TCERG1L: variants seen among roughly 807,000 people sequenced by gnomAD.
The protein encoded by TCERG1L is transcription elongation regulator 1 like.
TCERG1L carries 37 observed loss-of-function variants against 56.3 expected under a neutral mutation model. That is an observed-to-expected ratio of 0.66 (90% CI 0.51 to 0.87). TCERG1L has a LOEUF of 0.87. Ranked by LOEUF, TCERG1L falls within the 40% of genes least tolerant of loss-of-function variation. TCERG1L has a pLI of 0.00. For synonymous variants in TCERG1L, 324 were observed against 326.3 expected, an observed-to-expected ratio of 0.99 and a Z score of 0.08; for missense variants, 799 against 774.2, an observed-to-expected ratio of 1.03 and a Z score of -0.38.
Position 131,228,232 on chromosome 10 carries a change from C to A in TCERG1L, c.856+32027G>T, listed in dbSNP as rs1287875613. On this transcript the variant is annotated intron_variant, in intron 4 of 11. Coordinates refer to ENST00000368642, the MANE Select transcript of TCERG1L (RefSeq NM_174937.4). ...CAGACAGGCATTTCCTCAAGGCCTC[C>A]GGAGTCTCCCCTCCAGACAGGCATT... 3.9e-5 allele frequency among the ~76,000 whole-genome samples: 5 copies of A among 127,374 alleles called. No homozygotes were observed. The East Asian group carries it at 7.7e-4, about 20-fold the overall frequency. 83.6% of individuals were successfully genotyped at this position (127,374 alleles called of 152,430 possible).
chr10:131,304,199 G>C (rs1846796602), intron 3 of TCERG1L, among the ~76,000 whole-genome samples: 1 of 152,052 alleles, frequency 6.6e-6, no homozygotes. Flanking sequence ...CTAGTTTCTA[G>C]CAAGATCCTT....
intron 7 of TCERG1L, 69 bp downstream of exon 7, chr10:131,146,437 T>C: frequency 7.1e-7 from 1 of 1,409,760 alleles, no homozygotes; most frequent in South Asian, 1.8e-5. Flanking sequence ...ATGCTTTCAC[T>C]TTACGTTCAT....
At chr10:131,203,085 C>T (rs1440121553) in intron 4 of TCERG1L, among the ~76,000 whole-genome samples, 2 of 152,186 alleles carry the variant, frequency 1.3e-5, no homozygotes, top group Non-Finnish European at 2.9e-5. Flanking sequence ...AGGAATTCCA[C>T]TTACAAATTC....
At chr10:131,189,321 C>T (rs1006892883) in intron 4 of TCERG1L, among the ~76,000 whole-genome samples, 6 of 152,160 alleles carry the variant, frequency 3.9e-5, no homozygotes, top group African/African-American at 1.2e-4. Flanking sequence ...TTCCAATTAT[C>T]CATCCCTCCC....
At position 131,298,195 on chromosome 10, in the gene TCERG1L, A is replaced by G. The variant is rs575029928; in HGVS notation, c.670+10016T>C. On this transcript the variant is annotated intron_variant, in intron 3 of 11. Transcript: ENST00000368642. ...TTTTAATGCTATAAATGTCCATCTA[A>G]GCTATGTCCCACAAGACTTTTTTTG... Among the ~76,000 whole-genome samples, 3 of 150,546 alleles carry G rather than the reference A, an allele frequency of 2.0e-5. No homozygotes were observed. The South Asian group carries it at 6.3e-4, about 32-fold the overall frequency.
intron 4 of TCERG1L, among the ~76,000 whole-genome samples, chr10:131,206,102 C>A (rs1025400451): frequency 6.6e-6 from 1 of 152,188 alleles, no homozygotes; most frequent in Non-Finnish European, 1.5e-5. Context: ...GATTCCCAGG[C>A]GGGAGAACTG....
chr10:131,110,514 G>GGGT (rs1845399870), intron 9 of TCERG1L, among the ~76,000 whole-genome samples: 1 of 152,218 alleles, frequency 6.6e-6, no homozygotes, highest in South Asian at 2.1e-4. Context: ...AGCTTGAGCA[G>GGGT]ACTCTCAGCA....
At chr10:131,159,368 C>T (rs879365389) in intron 6 of TCERG1L, among the ~76,000 whole-genome samples, 1 of 152,158 alleles carries the variant, frequency 6.6e-6, no homozygotes, top group Non-Finnish European at 1.5e-5. Context: ...GGCCCCTCCC[C>T]AATGCCTCCT....
intron 3 of TCERG1L, among the ~76,000 whole-genome samples, chr10:131,282,551 G>C (rs1283454856): frequency 6.6e-6 from 1 of 152,126 alleles, no homozygotes; most frequent in Non-Finnish European, 1.5e-5. Context: ...ACTAATACAA[G>C]TTAATATACT....
chr10:131,285,997 C>T (rs1318599970), intron 3 of TCERG1L, among the ~76,000 whole-genome samples: 1 of 152,216 alleles, frequency 6.6e-6, no homozygotes, highest in African/African-American at 2.4e-5. Context: ...ATCACTACCA[C>T]ATCACACACT....
intron 1 of TCERG1L, among the ~76,000 whole-genome samples, chr10:131,309,623 G>A (rs952708225): frequency 1.3e-5 from 2 of 152,170 alleles, no homozygotes; most frequent in Non-Finnish European, 1.5e-5. Context: ...ATGAAGAAGA[G>A]AAATGCTGGG....
At position 131,260,092 on chromosome 10, in the gene TCERG1L, G is replaced by A. The variant is rs1263103125; in HGVS notation, c.856+167C>T. On this transcript the variant is annotated intron_variant, in intron 4 of 11. Transcript: ENST00000368642. The surrounding 1 kb of genome is among the most constrained non-coding windows in gnomAD (Gnocchi z 5.8). Reference sequence around the variant, plus strand: ...CAGTGGAGTCGGGTCGATTTGCAGGGTCCGAAGTCAAGCAAAGCCCAAACG... The same window carrying A: ...CAGTGGAGTCGGGTCGATTTGCAGGATCCGAAGTCAAGCAAAGCCCAAACG... 6.6e-6 allele frequency among the ~76,000 whole-genome samples: 1 copy of A among 152,244 alleles called. No homozygotes were observed. Among genetic ancestry groups the A allele is most frequent in the African/African-American group, 2.4e-5 (1 of 41,464 alleles).
At chr10:131,259,107 T>C (rs12258837) in intron 4 of TCERG1L, among the ~76,000 whole-genome samples, 1 of 152,196 alleles carries the variant, frequency 6.6e-6, no homozygotes, top group Admixed American at 6.5e-5. Flanking sequence ...AACTAATTCA[T>C]CAAACCAGCA....
intron 9 of TCERG1L, among the ~76,000 whole-genome samples, chr10:131,116,527 G>C (rs1208070867): frequency 6.6e-6 from 1 of 152,134 alleles, no homozygotes; most frequent in Admixed American, 6.5e-5. Flanking sequence ...TCTCCACTTT[G>C]GCTGCCCCTC....
chr10:131,095,220 C>T (rs1473145235), intron 11 of TCERG1L: 1 of 148,342 alleles, frequency 6.7e-6, no homozygotes, highest in Non-Finnish European at 1.5e-5. Context: ...ACCGGGCGGC[C>T]AACCCCACCG....
intron 4 of TCERG1L, among the ~76,000 whole-genome samples, chr10:131,250,854 T>C (rs1846102546): frequency 6.6e-6 from 1 of 152,196 alleles, no homozygotes; most frequent in South Asian, 2.1e-4. Flanking sequence ...TCTCCTTAGC[T>C]GGGTGGTCTC....
Position 131,311,171 on chromosome 10 carries a change from G to A in TCERG1L, c.342+123C>T, listed in dbSNP as rs1222705792. On this transcript the variant is annotated intron_variant, in intron 1 of 11. Transcript: ENST00000368642. The surrounding 1 kb of genome is among the most constrained non-coding windows in gnomAD (Gnocchi z 4.0). Reference sequence around the variant, plus strand: ...CTGCCGGGCTCCGTCCTGAGGGTTTGGGGCGGCGAGGACCGCCGGGGAGGA... The same window carrying A: ...CTGCCGGGCTCCGTCCTGAGGGTTTAGGGCGGCGAGGACCGCCGGGGAGGA... 2 of 750,074 alleles carry A rather than the reference G, an allele frequency of 2.7e-6. No homozygotes were observed. The highest frequency in any genetic ancestry group is 1.8e-6 in the Non-Finnish European group (1 of 568,872). 46.5% of individuals were successfully genotyped at this position (750,074 alleles called of 1,614,324 possible).
At chr10:131,109,389 C>T (rs912141035) in intron 9 of TCERG1L, among the ~76,000 whole-genome samples, 10 of 152,228 alleles carry the variant, frequency 6.6e-5, no homozygotes, top group South Asian at 6.2e-4. Context: ...CTGTGGATGA[C>T]GTGGCCGTGT....
At chr10:131,094,697 C>A (rs1458684965) in intron 11 of TCERG1L, among the ~76,000 whole-genome samples, 1 of 152,060 alleles carries the variant, frequency 6.6e-6, no homozygotes, top group African/African-American at 2.4e-5. Flanking sequence ...TCCCTCCCTC[C>A]TTTTCTCCCG....
Sources: gnomAD v4.1 joint callset for allele counts (sites outside exome capture counted in the v4.1 genomes callset) on GRCh38, gnomAD v4.1.1 for gene constraint, Gnocchi (gnomAD v3.1) non-coding constraint, MANE v1.5 for transcripts, NCBI Gene and HGNC (gene_info 2026-07-23, HGNC 2026-07-21) for gene names.